SLIT3: variants seen among roughly 807,000 people sequenced by gnomAD.
The protein encoded by SLIT3 is slit guidance ligand 3.
Under a neutral mutation model 184.0 loss-of-function variants are expected in SLIT3, and 68 were observed. That is an observed-to-expected ratio of 0.37 (90% CI 0.30 to 0.45). The LOEUF (loss-of-function observed/expected upper bound fraction) is 0.45. Among genes scored for constraint, SLIT3 ranks in the 20% least tolerant of loss-of-function variants. The probability of loss-of-function intolerance (pLI) is 1.00; values close to 1 mark genes in which losing one functional copy is unlikely to be tolerated. For synonymous variants in SLIT3, 831 were observed against 828.6 expected, an observed-to-expected ratio of 1.00 and a Z score of -0.05; for missense variants, 1,707 against 2,026.0, an observed-to-expected ratio of 0.84 and a Z score of 3.02.
At chr5:169,295,536 A>T (rs892004564) in intron 1 of SLIT3, among the ~76,000 whole-genome samples, 5 of 152,272 alleles carry the variant, frequency 3.3e-5, no homozygotes, top group Admixed American at 3.3e-4. Context: ...AGTCCACAGC[A>T]ATAGTGTAAC....
At chr5:168,939,840 C>G (rs1234199156) in intron 4 of SLIT3, among the ~76,000 whole-genome samples, 1 of 152,210 alleles carries the variant, frequency 6.6e-6, no homozygotes, top group African/African-American at 2.4e-5. Context: ...TTATTGAACA[C>G]TTTCCACGTG....
At chr5:168,854,696 C>T (rs1758795019) in intron 5 of SLIT3, among the ~76,000 whole-genome samples, 1 of 152,206 alleles carries the variant, frequency 6.6e-6, no homozygotes, top group South Asian at 2.1e-4. Flanking sequence ...GCATGGCCTT[C>T]CCCAGAGGTG....
At chr5:169,100,369 C>G (rs1417862206) in intron 4 of SLIT3, among the ~76,000 whole-genome samples, 1 of 152,148 alleles carries the variant, frequency 6.6e-6, no homozygotes, top group Non-Finnish European at 1.5e-5. Flanking sequence ...GTCCTTCAAA[C>G]TAGATGAGGC....
chr5:168,694,352 A>G (rs1011208463), intron 28 of SLIT3, among the ~76,000 whole-genome samples: 1 of 152,162 alleles, frequency 6.6e-6, no homozygotes, highest in Non-Finnish European at 1.5e-5. Context: ...TTCTTGACCA[A>G]TGACTCAACT....
chr5:168,852,787 A>G (rs1236538758), intron 5 of SLIT3, among the ~76,000 whole-genome samples: 1 of 152,202 alleles, frequency 6.6e-6, no homozygotes, highest in Non-Finnish European at 1.5e-5. Context: ...TAACTATGCA[A>G]ACTAAGTGAT....
At chr5:168,816,192 ATTTTT>A (rs1272378731) in intron 8 of SLIT3, among the ~76,000 whole-genome samples, 1 of 152,146 alleles carries the variant, frequency 6.6e-6, no homozygotes, top group East Asian at 1.9e-4. Flanking sequence ...TCTTTTATTT[ATTTTT>A]TTAATTTTTG....
intron 1 of SLIT3, among the ~76,000 whole-genome samples, chr5:169,279,899 T>G (rs753377634): frequency 1.3e-5 from 2 of 152,222 alleles, no homozygotes; most frequent in Non-Finnish European, 2.9e-5. Context: ...AATCACAAAG[T>G]GCTAAAACTG....
chr5:169,085,207 C>G (rs1203051339), intron 4 of SLIT3, among the ~76,000 whole-genome samples: 2 of 152,146 alleles, frequency 1.3e-5, no homozygotes, highest in African/African-American at 4.8e-5. Flanking sequence ...CAAAATCTGA[C>G]TCTCAGAGCC....
intron 14 of SLIT3, among the ~76,000 whole-genome samples, chr5:168,766,274 G>A (rs1021576738): frequency 5.9e-5 from 9 of 152,174 alleles, no homozygotes; most frequent in Non-Finnish European, 1.3e-4. Flanking sequence ...TAAGATGAGT[G>A]GAATAAAAGA....
At chr5:168,750,627 G>A (rs888079311) in intron 18 of SLIT3, among the ~76,000 whole-genome samples, 1 of 152,154 alleles carries the variant, frequency 6.6e-6, no homozygotes, top group Non-Finnish European at 1.5e-5. Context: ...CATCTTAGGT[G>A]TCTTTGGATT....
At chr5:168,857,044 G>A (rs902879199) in intron 5 of SLIT3, among the ~76,000 whole-genome samples, 1 of 151,928 alleles carries the variant, frequency 6.6e-6, no homozygotes, top group Non-Finnish European at 1.5e-5. Context: ...ATTCTCCCAG[G>A]ACTCTCGGGA....
intron 6 of SLIT3, among the ~76,000 whole-genome samples, chr5:168,840,746 C>T (rs753402984): frequency 5.3e-5 from 8 of 152,210 alleles, no homozygotes; most frequent in African/African-American, 1.2e-4. Context: ...CACAGAGCCT[C>T]GGTCCCTCAA....
chr5:168,692,316 G>A (rs1352118857), intron 29 of SLIT3, among the ~76,000 whole-genome samples: 2 of 152,188 alleles, frequency 1.3e-5, no homozygotes, highest in African/African-American at 2.4e-5. Flanking sequence ...GAGAGGAGAG[G>A]CAAGGAAGAA....
At chr5:169,221,229 G>T (rs1314481908) in intron 3 of SLIT3, among the ~76,000 whole-genome samples, 1 of 152,204 alleles carries the variant, frequency 6.6e-6, no homozygotes, top group Non-Finnish European at 1.5e-5. Flanking sequence ...TCTACTTGAG[G>T]TTTGAAATCC....
At chr5:169,188,397 G>C (rs1427792586) in intron 4 of SLIT3, among the ~76,000 whole-genome samples, 1 of 152,166 alleles carries the variant, frequency 6.6e-6, no homozygotes, top group Non-Finnish European at 1.5e-5. Flanking sequence ...GAAAAACCTG[G>C]AAGAGGATGG....
intron 4 of SLIT3, among the ~76,000 whole-genome samples, chr5:168,991,611 C>T (rs1324519416): frequency 6.6e-6 from 1 of 152,218 alleles, no homozygotes; most frequent in Non-Finnish European, 1.5e-5. Flanking sequence ...GAATGCAGTG[C>T]CCTGGGGATC....
intron 3 of SLIT3, among the ~76,000 whole-genome samples, chr5:169,219,161 T>C (rs1764539984): frequency 6.6e-6 from 1 of 152,152 alleles, no homozygotes; most frequent in African/African-American, 2.4e-5. Context: ...GCTCCAGCCC[T>C]GCCCAGGGGT....
At chr5:169,297,477 GAC>G (rs201455672) in intron 1 of SLIT3, among the ~76,000 whole-genome samples, 1 of 151,936 alleles carries the variant, frequency 6.6e-6, no homozygotes, top group African/African-American at 2.4e-5. Flanking sequence ...AATATACACA[GAC>G]ACACACACAC....
chr5:169,159,562 T>A (rs1222169822), intron 4 of SLIT3, among the ~76,000 whole-genome samples: 1 of 150,896 alleles, frequency 6.6e-6, no homozygotes, highest in African/African-American at 2.4e-5. Context: ...GATCACAAGG[T>A]CAGCACATCG....
Sources: allele counts gnomAD v4.1 joint callset (sites outside exome capture counted in the v4.1 genomes callset), GRCh38; gene constraint gnomAD v4.1.1; transcripts MANE v1.5; gene names NCBI Gene and HGNC (gene_info 2026-07-23, HGNC 2026-07-21).